Variants in DNM3 observed in about 807,000 individuals in gnomAD.
DNM3 encodes the protein dynamin 3.
A neutral mutation model predicts 101.6 loss-of-function variants in DNM3; 47 were observed. The ratio of observed to expected loss-of-function variants is 0.46; its 90% CI spans 0.37 to 0.59. The LOEUF (loss-of-function observed/expected upper bound fraction) is 0.59, where lower values mean the gene tolerates loss of function less well. Ranked by LOEUF, DNM3 falls within the 20% of genes least tolerant of loss-of-function variation. The probability of loss-of-function intolerance (pLI) is 0.00; values close to 1 mark genes in which losing one functional copy is unlikely to be tolerated. For missense variants in DNM3, 849 were observed against 1,085.7 expected, an observed-to-expected ratio of 0.78 and a Z score of 3.06; for synonymous variants, 385 against 387.9, an observed-to-expected ratio of 0.99 and a Z score of 0.09.
At chr1:172,241,239 A>ATGTGTGTGTGTG (rs1262155821) in intron 14 of DNM3, among the ~76,000 whole-genome samples, 169 of 148,442 alleles carry the variant, frequency 1.1e-3, no homozygotes, top group African/African-American at 2.9e-3. Flanking sequence ...ATATACATAG[A>ATGTGTGTGTGTG]TGTGTGTGTG....
At chr1:171,928,138 G>T (rs1037267305) in intron 2 of DNM3, among the ~76,000 whole-genome samples, 1 of 152,192 alleles carries the variant, frequency 6.6e-6, no homozygotes, top group African/African-American at 2.4e-5. Flanking sequence ...AAGCTTTGGG[G>T]TGTGATCCAG....
intron 14 of DNM3, among the ~76,000 whole-genome samples, chr1:172,224,775 A>G (rs187348504): frequency 2.0e-5 from 3 of 152,312 alleles, no homozygotes; most frequent in East Asian, 3.9e-4. Flanking sequence ...ACTTTATTCA[A>G]TCAAAATCTT....
chr1:171,951,403 G>A (rs939066856), intron 2 of DNM3, among the ~76,000 whole-genome samples: 2 of 152,014 alleles, frequency 1.3e-5, no homozygotes, highest in Admixed American at 6.6e-5. Context: ...TTTTACATGC[G>A]GTGTTTTGCA....
At chr1:172,130,753 G>A (rs2056892174) in intron 13 of DNM3, among the ~76,000 whole-genome samples, 1 of 152,150 alleles carries the variant, frequency 6.6e-6, no homozygotes, top group Non-Finnish European at 1.5e-5. Context: ...AAATCCTAAT[G>A]GGCTGCAAAC....
rs184852676 is a variant in DNM3, at chr1:172,181,600, G to A, written c.1659+50312G>A. Reference sequence around the variant, plus strand: ...TTCTCTACAGAGTTGTTTTGTAGCCGTATTGCTACTAAACTGGTGCCCAGC... The same window carrying A: ...TTCTCTACAGAGTTGTTTTGTAGCCATATTGCTACTAAACTGGTGCCCAGC... On this transcript the variant is annotated intron_variant, in intron 14 of 20. Coordinates refer to ENST00000627582, the MANE Select transcript of DNM3 (RefSeq NM_015569.5). Among the ~76,000 whole-genome samples, 16 of 152,002 alleles carry A rather than the reference G, an allele frequency of 1.1e-4. No individual in the cohort carries two copies. In the East Asian group the frequency reaches 2.7e-3, roughly 26 times the overall value.
rs915408378 is a variant in DNM3 at position 172,021,309 on chromosome 1, AT to A, written c.590-11081del. Among the ~76,000 whole-genome samples, 1,240 of 147,158 alleles carry A rather than the reference AT, an allele frequency of 8.4e-3. 12 individuals are homozygous for A. The highest frequency in any genetic ancestry group is 0.027 in the African/African-American group (1,091 of 40,326). ...AATATAGCAAGGTGCTGTCTCTACA[AT>A]TTTTTTTTTTTAATTACCCAAGTAT... On this transcript the variant is annotated intron_variant, in intron 4 of 20. Coordinates refer to ENST00000627582, the MANE Select transcript of DNM3 (RefSeq NM_015569.5).
chr1:172,045,439 A>C (rs188935553), intron 9 of DNM3, among the ~76,000 whole-genome samples: 1 of 152,054 alleles, frequency 6.6e-6, no homozygotes, highest in Non-Finnish European at 1.5e-5. Context: ...AGAGAAAGCT[A>C]GTTAGCTCTC....
chr1:171,928,870 C>G (rs1205768721), intron 2 of DNM3, among the ~76,000 whole-genome samples: 1 of 152,164 alleles, frequency 6.6e-6, no homozygotes, highest in African/African-American at 2.4e-5. Flanking sequence ...TTGGTGCCTG[C>G]TCTGGTCCCT....
Position 172,408,534 on chromosome 1 carries a change from G to A in DNM3, c.*693G>A, listed in dbSNP as rs1005172002. 2 of 985,170 alleles carry A rather than the reference G, an allele frequency of 2.0e-6. No homozygotes were observed. Among genetic ancestry groups the A allele is most frequent in the African/African-American group, 3.5e-5 (2 of 57,208 alleles). 61.0% of individuals were successfully genotyped at this position (985,170 alleles called of 1,614,324 possible). On this transcript the variant is annotated 3_prime_UTR_variant, in exon 21 of 21. Transcript: ENST00000627582. ...TAAAAGCTTCTTTTTTTGTTAATCA[G>A]TCAATAAATTTGGCTAATTAGTTTC...
chr1:172,344,482 A>C (rs1216575299), intron 17 of DNM3, among the ~76,000 whole-genome samples: 1 of 152,212 alleles, frequency 6.6e-6, no homozygotes, highest in Non-Finnish European at 1.5e-5. Context: ...CTTTTTCCCC[A>C]CGAAAATGGC....
chr1:171,932,489 T>C (rs947321157), intron 2 of DNM3, among the ~76,000 whole-genome samples: 2 of 152,048 alleles, frequency 1.3e-5, no homozygotes, highest in African/African-American at 4.8e-5. Context: ...TTGTATTTCT[T>C]AGTAAAAAAA....
chr1:171,931,426 G>C (rs1193276034), intron 2 of DNM3, among the ~76,000 whole-genome samples: 1 of 152,140 alleles, frequency 6.6e-6, no homozygotes, highest in African/African-American at 2.4e-5. Context: ...GGATATAAAA[G>C]TGATTAGGAC....
intron 2 of DNM3, among the ~76,000 whole-genome samples, chr1:171,944,315 A>C (rs1208959850): frequency 6.6e-6 from 1 of 152,022 alleles, no homozygotes; most frequent in Non-Finnish European, 1.5e-5. Context: ...CTCAGAGGCC[A>C]TATTTTGCCA....
At chr1:171,949,023 C>T (rs1571779016) in intron 2 of DNM3, among the ~76,000 whole-genome samples, 2 of 151,924 alleles carry the variant, frequency 1.3e-5, no homozygotes, top group East Asian at 3.9e-4. Context: ...CATAAAGTTA[C>T]TAAAAAATAA....
chr1:172,073,937 C>T (rs774144904), intron 11 of DNM3, among the ~76,000 whole-genome samples: 3 of 152,122 alleles, frequency 2.0e-5, no homozygotes, highest in Non-Finnish European at 2.9e-5. Context: ...TGTCAGCCTC[C>T]TCGTCTCCCC....
chr1:171,987,947 C>T, intron 3 of DNM3, 142 bp downstream of exon 3: 3 of 766,310 alleles, frequency 3.9e-6, no homozygotes, highest in Non-Finnish European at 5.5e-6. Flanking sequence ...TGTTATGGTT[C>T]AAAGAGCTCT....
intron 12 of DNM3, among the ~76,000 whole-genome samples, chr1:172,091,791 G>T (rs899874465): frequency 6.6e-6 from 1 of 152,296 alleles, no homozygotes; most frequent in Non-Finnish European, 1.5e-5. Flanking sequence ...TATCACTCTG[G>T]TGTCTGTTAA....
intron 17 of DNM3, among the ~76,000 whole-genome samples, chr1:172,346,054 C>T (rs897857514): frequency 4.3e-5 from 6 of 138,378 alleles, no homozygotes; most frequent in Non-Finnish European, 9.1e-5. Context: ...ACCTGGGAGG[C>T]GGAGCTTGCA....
At chr1:171,950,925 C>A (rs2042480380) in intron 2 of DNM3, among the ~76,000 whole-genome samples, 1 of 152,130 alleles carries the variant, frequency 6.6e-6, no homozygotes, top group African/African-American at 2.4e-5. Context: ...AAAAACTCCT[C>A]ATCTTCCTCT....
Sources: allele counts gnomAD v4.1 joint callset (sites outside exome capture counted in the v4.1 genomes callset), GRCh38; gene constraint gnomAD v4.1.1; transcripts MANE v1.5; gene names NCBI Gene and HGNC (gene_info 2026-07-23, HGNC 2026-07-21).